ROBO2: variants seen among roughly 807,000 people sequenced by gnomAD.
The protein encoded by ROBO2 is roundabout guidance receptor 2.
A neutral mutation model predicts 160.8 loss-of-function variants in ROBO2; 53 were observed. The observed-to-expected ratio is 0.33, with a 90% CI of 0.26 to 0.41. The LOEUF (loss-of-function observed/expected upper bound fraction) is 0.41, where lower values mean the gene tolerates loss of function less well. Ranked by LOEUF, ROBO2 falls within the 10% of genes least tolerant of loss-of-function variation. ROBO2 has a pLI of 1.00. For missense variants in ROBO2, 1,577 were observed against 1,722.4 expected, an observed-to-expected ratio of 0.92 and a Z score of 1.49; for synonymous variants, 664 against 611.7, an observed-to-expected ratio of 1.09 and a Z score of -1.26.
At chr3:77,064,042 A>C (rs1048401134) in intron 1 of ROBO2, among the ~76,000 whole-genome samples, 9 of 152,176 alleles carry the variant, frequency 5.9e-5, no homozygotes, top group African/African-American at 2.2e-4. Flanking sequence ...GTTATCTTTA[A>C]AGCCTGCAGA....
chr3:76,000,775 G>A (rs1347578703), intron 2 of ROBO2, among the ~76,000 whole-genome samples: 1 of 151,814 alleles, frequency 6.6e-6, no homozygotes, highest in African/African-American at 2.4e-5. Context: ...ATATATTTCA[G>A]ATTTTACTCT....
intron 2 of ROBO2, among the ~76,000 whole-genome samples, chr3:77,467,558 G>C (rs1261799526): frequency 6.6e-6 from 1 of 151,730 alleles, no homozygotes; most frequent in Non-Finnish European, 1.5e-5. Context: ...AAAACTGGTG[G>C]GCTTGCTGGC....
At chr3:77,373,724 A>G (rs1222330155) in intron 2 of ROBO2, among the ~76,000 whole-genome samples, 1 of 152,018 alleles carries the variant, frequency 6.6e-6, no homozygotes, top group Non-Finnish European at 1.5e-5. Flanking sequence ...TCCTCTCTAT[A>G]GGGAGAAAAT....
At chr3:76,336,293 T>A (rs1211802313) in intron 2 of ROBO2, among the ~76,000 whole-genome samples, 1 of 152,202 alleles carries the variant, frequency 6.6e-6, no homozygotes, top group African/African-American at 2.4e-5. Flanking sequence ...CATAACGGTT[T>A]CATTCATTTT....
intron 2 of ROBO2, among the ~76,000 whole-genome samples, chr3:76,937,014 G>A (rs1209622322): frequency 8.0e-6 from 1 of 125,056 alleles, no homozygotes; most frequent in Non-Finnish European, 1.7e-5. Flanking sequence ...CTACAAACTG[G>A]TACTCATTAT....
At chr3:76,483,059 C>A (rs1180460365) in intron 2 of ROBO2, among the ~76,000 whole-genome samples, 2 of 151,908 alleles carry the variant, frequency 1.3e-5, no homozygotes, top group Non-Finnish European at 2.9e-5. Flanking sequence ...GGATTTTGTT[C>A]TAAAGTTACT....
chr3:76,448,564 C>A (rs146715140), intron 2 of ROBO2, among the ~76,000 whole-genome samples: 105 of 152,234 alleles, frequency 6.9e-4, no homozygotes, highest in African/African-American at 2.5e-3. Flanking sequence ...TTTGCTTAAT[C>A]TATTTATGAG....
intron 2 of ROBO2, among the ~76,000 whole-genome samples, chr3:76,069,078 C>T (rs1481885754): frequency 1.3e-5 from 2 of 152,092 alleles, no homozygotes. Context: ...CATGCTTTAA[C>T]TCCTATGCCT....
intron 2 of ROBO2, among the ~76,000 whole-genome samples, chr3:77,101,118 A>G (rs1281830510): frequency 1.3e-5 from 2 of 152,226 alleles, no homozygotes; most frequent in African/African-American, 2.4e-5. Context: ...TAAAGGTATG[A>G]TGATTGAAGT....
chr3:76,083,006 A>G (rs976055821), intron 2 of ROBO2, among the ~76,000 whole-genome samples: 2 of 152,118 alleles, frequency 1.3e-5, no homozygotes, highest in Non-Finnish European at 2.9e-5. Flanking sequence ...ATATGTAATG[A>G]GGGAGGAAAG....
At chr3:76,161,244 A>G (rs1020267625) in intron 2 of ROBO2, among the ~76,000 whole-genome samples, 12 of 152,172 alleles carry the variant, frequency 7.9e-5, no homozygotes, top group African/African-American at 2.9e-4. Flanking sequence ...TTAGTTGAAT[A>G]CATTAAAGTT....
intron 2 of ROBO2, among the ~76,000 whole-genome samples, chr3:76,810,667 T>A (rs1314048139): frequency 6.6e-6 from 1 of 152,172 alleles, no homozygotes; most frequent in African/African-American, 2.4e-5. Flanking sequence ...CTACTGAATA[T>A]TATCATTTTG....
intron 2 of ROBO2, among the ~76,000 whole-genome samples, chr3:77,433,804 C>A (rs2079028254): frequency 6.6e-6 from 1 of 152,078 alleles, no homozygotes; most frequent in East Asian, 1.9e-4. Context: ...AATACATCCA[C>A]CATCCATGAA....
chr3:76,677,771 TTGTGATCA>T (rs1261352187), intron 2 of ROBO2, among the ~76,000 whole-genome samples: 6 of 151,970 alleles, frequency 3.9e-5, no homozygotes, highest in Non-Finnish European at 7.4e-5. Context: ...TGAAATAATT[TTGTGATCA>T]TGTGATTATA....
At chr3:77,209,197 G>T (rs1018881586) in intron 2 of ROBO2, among the ~76,000 whole-genome samples, 1 of 152,000 alleles carries the variant, frequency 6.6e-6, no homozygotes, top group African/African-American at 2.4e-5. Context: ...TGAAGAAAAT[G>T]GAACTCAGTT....
At chr3:77,644,130 A>G (rs1166215519) in intron 24 of ROBO2, among the ~76,000 whole-genome samples, 1 of 150,582 alleles carries the variant, frequency 6.6e-6, no homozygotes, top group Non-Finnish European at 1.5e-5. Flanking sequence ...TAAAAAAAAA[A>G]AATTAGCATA....
At chr3:76,275,832 C>T (rs991906359) in intron 2 of ROBO2, among the ~76,000 whole-genome samples, 6 of 152,090 alleles carry the variant, frequency 3.9e-5, no homozygotes, top group African/African-American at 1.4e-4. Context: ...CTGTAAATGA[C>T]TTCCAGAAGT....
intron 2 of ROBO2, among the ~76,000 whole-genome samples, chr3:77,256,496 CTG>C (rs2058423761): frequency 6.6e-6 from 1 of 151,746 alleles, no homozygotes; most frequent in Admixed American, 6.6e-5. Context: ...TTCTCAATAA[CTG>C]TGTGTGTGTA....
intron 1 of ROBO2, among the ~76,000 whole-genome samples, chr3:77,079,855 A>G (rs1434535092): frequency 6.6e-6 from 1 of 152,332 alleles, no homozygotes; most frequent in East Asian, 1.9e-4. Context: ...ATTAGCACAT[A>G]GTTCTGAAAT....
Sources: allele counts gnomAD v4.1 joint callset (sites outside exome capture counted in the v4.1 genomes callset), GRCh38; gene constraint gnomAD v4.1.1; transcripts MANE v1.5; gene names NCBI Gene and HGNC (gene_info 2026-07-23, HGNC 2026-07-21).